The following FOXP2 variants were observed in gnomAD, a reference collection of about 807,000 sequenced individuals.
The protein encoded by FOXP2 is forkhead box P2, also known as forkhead box protein P2.
Under a neutral mutation model 115.8 loss-of-function variants are expected in FOXP2, and 12 were observed. The ratio of observed to expected loss-of-function variants is 0.10; its 90% confidence interval spans 0.07 to 0.17. FOXP2 has a LOEUF of 0.17. Ranked by LOEUF, FOXP2 falls within the 10% of genes least tolerant of loss-of-function variation. The probability of loss-of-function intolerance (pLI) is 1.00; values close to 1 mark genes in which losing one functional copy is unlikely to be tolerated. For missense variants in FOXP2, 629 were observed against 843.5 expected (o/e 0.75, Z 3.15); for synonymous variants, 328 against 297.7 (o/e 1.10, Z -1.05).
At chr7:114,479,083 TC>T (rs1321850076) in intron 2 of FOXP2, among the ~76,000 whole-genome samples, 2 of 151,874 alleles carry the variant, frequency 1.3e-5, no homozygotes, top group Admixed American at 1.3e-4. Context: ...TCATTTTTTT[TC>T]TGCGTAAAAC....
upstream of FOXP2, among the ~76,000 whole-genome samples, chr7:114,412,229 G>A (rs1430204657): frequency 2.0e-5 from 3 of 151,988 alleles, no homozygotes; most frequent in Non-Finnish European, 2.9e-5. Flanking sequence ...TTACTTAGTG[G>A]CATCTTCCTG....
At chr7:114,171,692 G>T (rs906036279) in intron 1 of FOXP2, among the ~76,000 whole-genome samples, 4 of 152,164 alleles carry the variant, frequency 2.6e-5, no homozygotes, top group Non-Finnish European at 5.9e-5. Flanking sequence ...AGATCAAGGG[G>T]TAATTTCCAC....
At chr7:114,400,746 A>T (rs1792867937) in intron 2 of FOXP2, among the ~76,000 whole-genome samples, 1 of 152,082 alleles carries the variant, frequency 6.6e-6, no homozygotes, top group African/African-American at 2.4e-5. Flanking sequence ...ATGAGGACTT[A>T]ATGCTACCAC....
chr7:114,671,950 T>A (rs1346074129), intron 16 of FOXP2, among the ~76,000 whole-genome samples: 1 of 152,204 alleles, frequency 6.6e-6, no homozygotes, highest in Admixed American at 6.5e-5. Context: ...ATGTTATACT[T>A]GAATATTTCA....
At chr7:114,159,319 T>G (rs1488802534), upstream of FOXP2, among the ~76,000 whole-genome samples, 2 of 152,110 alleles carry the variant, frequency 1.3e-5, no homozygotes, top group African/African-American at 4.8e-5. Context: ...TCATATTGGA[T>G]TTTTCAGCTA....
At chr7:114,545,213 G>A (rs1799857331) in intron 3 of FOXP2, among the ~76,000 whole-genome samples, 2 of 152,116 alleles carry the variant, frequency 1.3e-5, no homozygotes, top group Admixed American at 1.3e-4. Flanking sequence ...CTGGGATTCA[G>A]TTTTCCAACC....
intron 2 of FOXP2, among the ~76,000 whole-genome samples, chr7:114,289,746 T>C (rs1304348450): frequency 6.6e-6 from 1 of 151,982 alleles, no homozygotes; most frequent in Non-Finnish European, 1.5e-5. Context: ...GGTAGTTATG[T>C]GCTTATAGTG....
intron 2 of FOXP2, among the ~76,000 whole-genome samples, chr7:114,321,811 AT>A (rs1335206363): frequency 6.6e-6 from 1 of 152,158 alleles, no homozygotes; most frequent in East Asian, 1.9e-4. Flanking sequence ...TTCATTTTAA[AT>A]TTCCAAAAAC....
At chr7:114,132,013 T>C (rs1011054884) in intron 1 of FOXP2, among the ~76,000 whole-genome samples, 28 of 152,172 alleles carry the variant, frequency 1.8e-4, no homozygotes, top group African/African-American at 6.8e-4. Flanking sequence ...TATGTAGTTG[T>C]TAGTCTTTAT....
At chr7:114,652,047 G>A (rs754991671) in intron 8 of FOXP2, among the ~76,000 whole-genome samples, 156 bp from the exon 9 acceptor site, 3 of 152,080 alleles carry the variant, frequency 2.0e-5, no homozygotes, top group South Asian at 2.1e-4. Context: ...CACACAACAC[G>A]TAAGCAGCTT....
At chr7:114,308,423 A>G (rs1179652822) in intron 2 of FOXP2, among the ~76,000 whole-genome samples, 1 of 152,156 alleles carries the variant, frequency 6.6e-6, no homozygotes, top group Non-Finnish European at 1.5e-5. Context: ...CATCATATCT[A>G]GAAACGGTCA....
Position 114,232,738 on chromosome 7 carries a change from G to A in FOXP2, c.-101-55281G>A, listed in dbSNP as rs546927272. 5.1e-4 allele frequency among the ~76,000 whole-genome samples: 77 copies of A among 151,976 alleles called. 2 individuals carry two copies. In the South Asian group the frequency reaches 0.015, roughly 29 times the overall value. ...TGAGGCAGGAGAATCACTTGAACCC[G>A]GGAGGCGGAAGTTGTGGTGAGCCGA... On this transcript the variant is annotated intron_variant, in intron 1 of 17. Transcript: ENST00000634411.
At chr7:114,132,180 T>G (rs1437810440) in intron 1 of FOXP2, among the ~76,000 whole-genome samples, 1 of 152,220 alleles carries the variant, frequency 6.6e-6, no homozygotes. Context: ...AATATCGTAT[T>G]AAACTGATAC....
intron 1 of FOXP2, among the ~76,000 whole-genome samples, chr7:114,102,142 C>T (rs548177932): frequency 1.3e-5 from 2 of 151,892 alleles, no homozygotes; most frequent in African/African-American, 4.8e-5. Context: ...TGTTTCTATA[C>T]TGTTTCTTGC....
intron 2 of FOXP2, among the ~76,000 whole-genome samples, chr7:114,378,684 C>CAAAAAAAAAAAAAAAAAAAAA (rs398005920): frequency 4.4e-4 from 8 of 18,092 alleles, no homozygotes; most frequent in African/African-American, 1.3e-3. Flanking sequence ...ACCCTGTCTC[C>CAAAAAAAAAAAAAAAAAAAAA]AAAAAAAAAA....
chr7:114,093,602 G>T (rs989732032), intron 1 of FOXP2, among the ~76,000 whole-genome samples: 1 of 151,452 alleles, frequency 6.6e-6, no homozygotes, highest in Admixed American at 6.6e-5. Context: ...CTATATCATT[G>T]CATAACTTGC....
chr7:114,409,150 C>T (rs190267223), intron 2 of FOXP2, among the ~76,000 whole-genome samples: 1 of 151,992 alleles, frequency 6.6e-6, no homozygotes, highest in Non-Finnish European at 1.5e-5. Flanking sequence ...ACTTTTTAGT[C>T]TTTTTGGCAA....
chr7:114,129,297 C>T (rs1791807894), intron 1 of FOXP2, among the ~76,000 whole-genome samples: 1 of 152,134 alleles, frequency 6.6e-6, no homozygotes, highest in South Asian at 2.1e-4. Context: ...TGAACTCAAC[C>T]TTAATATTAC....
chr7:114,578,928 G>T (rs1457643702), intron 3 of FOXP2, among the ~76,000 whole-genome samples: 1 of 152,144 alleles, frequency 6.6e-6, no homozygotes, highest in Non-Finnish European at 1.5e-5. Flanking sequence ...GGAGAAAAAG[G>T]ACACTTAAAA....
Sources: allele counts gnomAD v4.1 joint callset (sites outside exome capture counted in the v4.1 genomes callset), GRCh38; gene constraint gnomAD v4.1.1; transcripts MANE v1.5; gene names NCBI Gene and HGNC (gene_info 2026-07-23, HGNC 2026-07-21).